Variants in RALGAPA2 observed in about 807,000 individuals in gnomAD.
RALGAPA2 encodes the protein ral GTPase-activating protein subunit alpha-2.
A neutral mutation model predicts 230.4 loss-of-function variants in RALGAPA2; 139 were observed. The ratio of observed to expected loss-of-function variants is 0.60; its 90% CI spans 0.53 to 0.69. The LOEUF is 0.69. Ranked by LOEUF, RALGAPA2 falls within the 30% of genes least tolerant of loss-of-function variation. The pLI is 0.00. For missense variants in RALGAPA2, 2,163 were observed against 2,276.0 expected (o/e 0.95, Z 1.01); for synonymous variants, 847 against 837.8 (o/e 1.01, Z -0.19).
rs1249926363 is a variant in RALGAPA2, at chr20:20,519,930, GGCGCTGATCACA to G, written c.4084+975_4084+986del. ...TCTGTCGCTCAAGCTAGAGTGCAGT[GGCGCTGATCACA>G]GCAGCCTTGACCTCACAGACTCAAG... On this transcript the variant is annotated intron_variant, in intron 31 of 39. Coordinates refer to ENST00000202677, the MANE Select transcript of RALGAPA2 (RefSeq NM_020343.4). 1.1e-4 allele frequency among the ~76,000 whole-genome samples: 17 copies of G among 151,954 alleles called. No homozygotes were observed. The East Asian group carries it at 3.3e-3, about 29-fold the overall frequency.
chr20:20,433,481 T>C (rs1041589199), intron 37 of RALGAPA2, among the ~76,000 whole-genome samples: 2 of 152,210 alleles, frequency 1.3e-5, no homozygotes, highest in Non-Finnish European at 2.9e-5. Context: ...GCTGCTAGCC[T>C]GTGAGAAAAC....
intron 3 of RALGAPA2, among the ~76,000 whole-genome samples, chr20:20,673,991 C>A (rs1322548230): frequency 1.3e-5 from 2 of 151,788 alleles, no homozygotes; most frequent in Non-Finnish European, 2.9e-5. Context: ...AGTTTGAGAC[C>A]AGCCTAGACA....
intron 38 of RALGAPA2, among the ~76,000 whole-genome samples, chr20:20,410,387 C>A (rs977392435): frequency 6.6e-6 from 1 of 152,090 alleles, no homozygotes; most frequent in Non-Finnish European, 1.5e-5. Flanking sequence ...TTATTATTTA[C>A]GTGTTTAATT....
Position 20,503,250 on chromosome 20 carries a change from A to G in RALGAPA2, c.5208+101T>C, listed in dbSNP as rs1222843887. 3 of 1,146,112 alleles carry G rather than the reference A, an allele frequency of 2.6e-6. No individual in the cohort carries two copies. In the African/African-American group the frequency reaches 4.8e-5, roughly 18 times the overall value. The allele number at this position is 1,146,112 out of a possible 1,614,324, so 71.0% of individuals were successfully genotyped here. ...ATCTCAGGGTCGTAGAGTTCAGAGA[A>G]ACCATCTCAGTGTGCGTTCTACCCT... is the stretch of plus-strand genomic sequence containing the variant. On this transcript the variant is annotated intron_variant, in intron 35 of 39. Coordinates refer to ENST00000202677, the MANE Select transcript of RALGAPA2 (RefSeq NM_020343.4).
At chr20:20,602,587 G>C (rs1246039871) in intron 15 of RALGAPA2, among the ~76,000 whole-genome samples, 2 of 152,144 alleles carry the variant, frequency 1.3e-5, no homozygotes, top group African/African-American at 4.8e-5. Flanking sequence ...TGTGCTTTTT[G>C]TTTCTAGTAG....
intron 15 of RALGAPA2, among the ~76,000 whole-genome samples, chr20:20,604,734 G>A (rs1021404589): frequency 3.7e-4 from 56 of 150,504 alleles, no homozygotes; most frequent in African/African-American, 1.3e-3. Flanking sequence ...TAGTTTTACT[G>A]TATTTTATGT....
intron 37 of RALGAPA2, among the ~76,000 whole-genome samples, chr20:20,447,108 A>G (rs1275213765): frequency 6.6e-6 from 1 of 152,198 alleles, no homozygotes; most frequent in African/African-American, 2.4e-5. Context: ...CATTAAGATA[A>G]AAGTGGTTTG....
intron 37 of RALGAPA2, among the ~76,000 whole-genome samples, chr20:20,452,472 G>A (rs2061008682): frequency 6.6e-6 from 1 of 152,222 alleles, no homozygotes; most frequent in South Asian, 2.1e-4. Context: ...CGGTGCCACC[G>A]CTGACAGGCA....
chr20:20,611,809 T>C (rs2065983694), intron 13 of RALGAPA2, among the ~76,000 whole-genome samples: 1 of 152,208 alleles, frequency 6.6e-6, no homozygotes, highest in Admixed American at 6.5e-5. Flanking sequence ...CTGTTTTACT[T>C]AACCTGTAAG....
chr20:20,400,929 A>G (rs767467087), intron 38 of RALGAPA2, among the ~76,000 whole-genome samples: 12 of 152,240 alleles, frequency 7.9e-5, no homozygotes, highest in Non-Finnish European at 1.3e-4. Context: ...CAGCCACCAA[A>G]GACCACATAT....
intron 1 of RALGAPA2, among the ~76,000 whole-genome samples, chr20:20,696,883 T>C (rs2069133701): frequency 6.6e-6 from 1 of 152,168 alleles, no homozygotes; most frequent in Admixed American, 6.5e-5. Flanking sequence ...AATTGTATCA[T>C]ATATTTATTA....
At chr20:20,655,475 G>A (rs555615629) in intron 3 of RALGAPA2, among the ~76,000 whole-genome samples, 3 of 151,704 alleles carry the variant, frequency 2.0e-5, no homozygotes, top group Non-Finnish European at 4.4e-5. Flanking sequence ...AATTAAATTC[G>A]CCTAGTGGAT....
chr20:20,647,251 C>T (rs2067245497), intron 4 of RALGAPA2, among the ~76,000 whole-genome samples: 1 of 152,146 alleles, frequency 6.6e-6, no homozygotes, highest in East Asian at 1.9e-4. Context: ...TTTTTTAAAA[C>T]CTCCTTCTCA....
intron 37 of RALGAPA2, among the ~76,000 whole-genome samples, chr20:20,429,060 A>G (rs1330105956): frequency 6.6e-6 from 1 of 152,106 alleles, no homozygotes; most frequent in East Asian, 1.9e-4. Flanking sequence ...AAGCTACCCA[A>G]TGTTGGTGCA....
In RALGAPA2 at chr20:20,619,396, C is replaced by T; in HGVS notation, c.1420G>A (p.Gly474Ser). Residue 474 changes from glycine (G) to serine (S), a missense_variant, in exon 12 of 40, where the codon GGT becomes AGT. By Grantham distance (56) the Gly-to-Ser change is moderately conservative. Transcript: ENST00000202677. ...CCCCAACTGGAAGATCGTTTATGAC[C>T]AGAACTTTCAGATGAGGCCTTCAGA... ...DSKEASSESS[G>S]HKRSSSWGRT... 6.2e-7 allele frequency: 1 copy of T among 1,602,316 alleles called. No homozygotes were observed. Among genetic ancestry groups the T allele is most frequent in the Non-Finnish European group, 8.5e-7 (1 of 1,172,814 alleles).
chr20:20,531,235 T>G (rs898621994), intron 27 of RALGAPA2, among the ~76,000 whole-genome samples: 1 of 152,228 alleles, frequency 6.6e-6, no homozygotes, highest in South Asian at 2.1e-4. Flanking sequence ...GCCCAGTGAA[T>G]GGCAGTTCTT....
At chr20:20,467,030 A>G (rs2061434052) in intron 37 of RALGAPA2, among the ~76,000 whole-genome samples, 1 of 152,190 alleles carries the variant, frequency 6.6e-6, no homozygotes, top group Admixed American at 6.5e-5. Context: ...AAGTTACTGA[A>G]AAAACTGCTG....
At chr20:20,612,550 T>C (rs370653419) in intron 13 of RALGAPA2, among the ~76,000 whole-genome samples, 230 of 152,332 alleles carry the variant, frequency 1.5e-3, no homozygotes, top group African/African-American at 5.4e-3. Context: ...CCTGTGGGGA[T>C]TTCCTGCCCT....
chr20:20,666,740 G>A, intron 3 of RALGAPA2, among the ~76,000 whole-genome samples: 1 of 152,196 alleles, frequency 6.6e-6, no homozygotes, highest in East Asian at 1.9e-4. Context: ...TATAAAGAAA[G>A]AAAAGGAATC....
Sources: allele counts gnomAD v4.1 joint callset (sites outside exome capture counted in the v4.1 genomes callset), GRCh38; gene constraint gnomAD v4.1.1; transcripts MANE v1.5; gene names NCBI Gene and HGNC (gene_info 2026-07-23, HGNC 2026-07-21).